RGS7: variants seen among roughly 807,000 people sequenced by gnomAD.
RGS7 encodes the protein regulator of G protein signaling 7, also known as regulator of G-protein signaling 7.
A neutral mutation model predicts 81.1 loss-of-function variants in RGS7; 27 were observed. The ratio of observed to expected loss-of-function variants is 0.33; its 90% CI spans 0.25 to 0.46. The LOEUF is 0.46. Ranked by LOEUF, RGS7 falls within the 20% of genes least tolerant of loss-of-function variation. The pLI, the probability that RGS7 is intolerant of heterozygous loss-of-function variation, is 1.00. For synonymous variants in RGS7, 208 were observed against 207.7 expected, an observed-to-expected ratio of 1.00 and a Z score of -0.01; for missense variants, 396 against 607.4, an observed-to-expected ratio of 0.65 and a Z score of 3.66.
chr1:241,244,014 G>A (rs577615171), intron 2 of RGS7, among the ~76,000 whole-genome samples: 14 of 152,152 alleles, frequency 9.2e-5, no homozygotes, highest in East Asian at 7.7e-4. Context: ...CCTTTCTAGC[G>A]GGCAGTGAAA....
intron 6 of RGS7, among the ~76,000 whole-genome samples, chr1:240,906,348 A>G (rs1670818273): frequency 6.6e-6 from 1 of 152,116 alleles, no homozygotes; most frequent in Non-Finnish European, 1.5e-5. Flanking sequence ...ATTGCAAAGT[A>G]GTGTGCTGGT....
intron 2 of RGS7, among the ~76,000 whole-genome samples, chr1:241,353,086 C>T (rs1455347396): frequency 6.6e-6 from 1 of 152,220 alleles, no homozygotes; most frequent in Admixed American, 6.5e-5. Flanking sequence ...ACAGCAATTT[C>T]TCTATCCTTT....
In RGS7 at chr1:240,847,312, G is replaced by A. The variant is rs368706565; in HGVS notation, c.610-20140C>T. Reference sequence around the variant, plus strand: ...ATATTATTTCCATGTGTTCTCAAGGGTCGTGTAGGGTAAGTATTTATTTTT... The same window carrying A: ...ATATTATTTCCATGTGTTCTCAAGGATCGTGTAGGGTAAGTATTTATTTTT... On this transcript the variant is annotated intron_variant, in intron 9 of 18. Coordinates refer to ENST00000440928, the MANE Select transcript of RGS7 (RefSeq NM_001364886.1). 9.9e-5 allele frequency among the ~76,000 whole-genome samples: 15 copies of A among 152,182 alleles called. 1 individual carries two copies. The highest frequency in any genetic ancestry group is 6.5e-4 in the Admixed American group (10 of 15,272).
chr1:241,349,816 G>A (rs1242160890), intron 2 of RGS7, among the ~76,000 whole-genome samples: 2 of 152,154 alleles, frequency 1.3e-5, no homozygotes, highest in Non-Finnish European at 2.9e-5. Flanking sequence ...TGTTTTCAAA[G>A]AGACTTAACA....
intron 2 of RGS7, among the ~76,000 whole-genome samples, chr1:241,138,239 A>C (rs1256729764): frequency 6.6e-6 from 1 of 152,140 alleles, no homozygotes; most frequent in Non-Finnish European, 1.5e-5. Context: ...CAAGCCCTAA[A>C]TTTAATATAA....
At chr1:241,259,667 A>AAAAAAATATATATATAT in intron 2 of RGS7, among the ~76,000 whole-genome samples, 1 of 49,146 alleles carries the variant, frequency 2.0e-5, no homozygotes, top group African/African-American at 8.0e-5. Flanking sequence ...AAAAAAAAAA[A>AAAAAAATATATATATAT]ATATATATAT....
intron 2 of RGS7, among the ~76,000 whole-genome samples, chr1:241,337,125 A>C (rs1331687402): frequency 6.6e-6 from 1 of 152,166 alleles, no homozygotes; most frequent in Non-Finnish European, 1.5e-5. Flanking sequence ...TGTAGCATGG[A>C]GAGATGACAC....
rs527526885 is a variant in RGS7, at chr1:241,259,553, G to C, written c.78+96146C>G. Among the ~76,000 whole-genome samples, 40 of 150,208 alleles carry C rather than the reference G, an allele frequency of 2.7e-4. No individual in the cohort carries two copies. The South Asian group carries it at 7.6e-3, about 28-fold the overall frequency. On this transcript the variant is annotated intron_variant, in intron 2 of 18. Transcript: ENST00000440928. ...TAATCTCAGCTACTCGGGAGGCTAA[G>C]GCAGGAGAATCACTAGAACCTGGGA... is the stretch of plus-strand genomic sequence containing the variant.
chr1:240,899,834 C>T (rs886484738), intron 6 of RGS7, among the ~76,000 whole-genome samples: 4 of 152,128 alleles, frequency 2.6e-5, no homozygotes, highest in African/African-American at 4.8e-5. Context: ...TGTTGGCCTG[C>T]CTTGCTAGGT....
intron 2 of RGS7, among the ~76,000 whole-genome samples, chr1:241,319,504 T>C (rs1422916390): frequency 6.6e-6 from 1 of 152,036 alleles, no homozygotes; most frequent in African/African-American, 2.4e-5. Context: ...ACTCCTGGGA[T>C]AGAGAAATAA....
Position 241,098,663 on chromosome 1 carries a change from T to C in RGS7, c.175+3A>G. 6.2e-7 allele frequency: 1 copy of C among 1,604,402 alleles called. No homozygotes were observed. Among genetic ancestry groups the C allele is most frequent in the Non-Finnish European group, 8.5e-7 (1 of 1,171,368 alleles). ...AACAGAACTGTGCTCCATGCAGACT[T>C]ACCAGAGAAGACGCTAGGTATCTTG... On this transcript the variant is annotated splice_donor_region_variant and intron_variant, in intron 3 of 18. Transcript: ENST00000440928.
At chr1:240,838,412 C>T (rs1326950675) in intron 9 of RGS7, among the ~76,000 whole-genome samples, 1 of 152,152 alleles carries the variant, frequency 6.6e-6, no homozygotes, top group Non-Finnish European at 1.5e-5. Flanking sequence ...ATGTTCAGAC[C>T]AGAGCCCTCC....
chr1:241,100,050 AAC>A, intron 2 of RGS7, among the ~76,000 whole-genome samples: 1 of 152,316 alleles, frequency 6.6e-6, no homozygotes, highest in African/African-American at 2.4e-5. Flanking sequence ...AGTTAAAAAA[AAC>A]ACAGTCTAAA....
chr1:241,327,371 A>G (rs1027807882), intron 2 of RGS7, among the ~76,000 whole-genome samples: 1 of 152,200 alleles, frequency 6.6e-6, no homozygotes, highest in Non-Finnish European at 1.5e-5. Context: ...TCATATTGCA[A>G]TGATGAAGGC....
intron 10 of RGS7, among the ~76,000 whole-genome samples, chr1:240,825,931 C>A (rs925722406): frequency 6.6e-6 from 1 of 152,160 alleles, no homozygotes; most frequent in South Asian, 2.1e-4. Flanking sequence ...AAACAGGACA[C>A]CCAATAAAGT....
intron 2 of RGS7, among the ~76,000 whole-genome samples, chr1:241,306,540 G>A (rs1206459788): frequency 1.4e-5 from 2 of 147,776 alleles, no homozygotes; most frequent in Admixed American, 1.3e-4. Context: ...CCACACACAT[G>A]CACACACCCT....
chr1:241,090,011 A>AAAAAG (rs541555728), intron 3 of RGS7, among the ~76,000 whole-genome samples: 2 of 141,760 alleles, frequency 1.4e-5, no homozygotes, highest in African/African-American at 2.8e-5. Flanking sequence ...AAAAAAAAAA[A>AAAAAG]AGAGAGAGAG....
intron 3 of RGS7, among the ~76,000 whole-genome samples, chr1:240,997,547 G>A (rs1687481088): frequency 6.6e-6 from 1 of 152,148 alleles, no homozygotes; most frequent in African/African-American, 2.4e-5. Flanking sequence ...TCAGAAGGAT[G>A]GGTGCAGTGG....
At chr1:241,015,790 T>C (rs1418686825) in intron 3 of RGS7, among the ~76,000 whole-genome samples, 1 of 152,228 alleles carries the variant, frequency 6.6e-6, no homozygotes, top group Non-Finnish European at 1.5e-5. Context: ...GTATATTCTC[T>C]TTCCAGTGAT....
Sources: allele counts gnomAD v4.1 joint callset (sites outside exome capture counted in the v4.1 genomes callset), GRCh38; gene constraint gnomAD v4.1.1; transcripts MANE v1.5; gene names NCBI Gene and HGNC (gene_info 2026-07-23, HGNC 2026-07-21).